The following RIMS3 variants were observed in gnomAD, a reference collection of about 807,000 sequenced individuals.
RIMS3 encodes regulating synaptic membrane exocytosis protein 3.
Under a neutral mutation model 29.2 loss-of-function variants are expected in RIMS3, and 15 were observed. The ratio of observed to expected loss-of-function variants is 0.51; its 90% confidence interval spans 0.34 to 0.79. The LOEUF (loss-of-function observed/expected upper bound fraction) is 0.79, where lower values mean the gene tolerates loss of function less well. Ranked by LOEUF, RIMS3 falls within the 30% of genes least tolerant of loss-of-function variation. The probability of loss-of-function intolerance (pLI) is 0.01; values close to 1 mark genes in which losing one functional copy is unlikely to be tolerated. For missense variants in RIMS3, 342 were observed against 421.4 expected, an observed-to-expected ratio of 0.81 and a Z score of 1.65; for synonymous variants, 161 against 170.1, an observed-to-expected ratio of 0.95 and a Z score of 0.41.
Position 40,632,356 on chromosome 1 carries a change from G to T in RIMS3, c.472+713C>A, listed in dbSNP as rs553016568. On this transcript the variant is annotated intron_variant, in intron 5 of 7. Coordinates refer to ENST00000372684, the MANE Select transcript of RIMS3 (RefSeq NM_014747.3). ...GCATTGCAGATCAAATAGGGGACATGATTGATATTCAGTAATGGTGCTAGG... is the reference window on the plus strand; with the variant it reads ...GCATTGCAGATCAAATAGGGGACATTATTGATATTCAGTAATGGTGCTAGG... 7.4e-4 allele frequency among the ~76,000 whole-genome samples: 111 copies of T among 149,188 alleles called. 1 individual carries two copies. The highest frequency in any genetic ancestry group is 1.3e-3 in the Non-Finnish European group (85 of 67,600).
intron 5 of RIMS3, among the ~76,000 whole-genome samples, chr1:40,632,325 A>C (rs958242951): frequency 6.6e-6 from 1 of 151,450 alleles, no homozygotes; most frequent in East Asian, 1.9e-4. Context: ...ATGGTACTTG[A>C]TATTGGCATT....
Position 40,626,099 on chromosome 1 carries a change from G to A in RIMS3, c.*418C>T, listed in dbSNP as rs190698414. On this transcript the variant is annotated 3_prime_UTR_variant, in exon 8 of 8. Transcript: ENST00000372684. ...GCAGAGACCACCAGGAGCAGGCACA[G>A]GTGAAGAACACACAGGCTCTGCCCC... 4.4e-5 allele frequency: 11 copies of A among 247,266 alleles called. No homozygotes were observed. Among genetic ancestry groups the A allele is most frequent in the Admixed American group, 1.5e-4 (3 of 20,264 alleles). The allele number at this position is 247,266 out of a possible 1,614,324, so 15.3% of individuals were successfully genotyped here. A position where few individuals can be genotyped will look rare whatever the true frequency, so the allele number is the denominator to read the frequency against.
Position 40,623,637 on chromosome 1 carries a change from T to C in RIMS3, c.*2880A>G, listed in dbSNP as rs191682556. ...AGTTGGCCCCAGGGTGGGAGACTTC[T>C]GGAGGGATCATGTTCCTTCCTTCCC... On this transcript the variant is annotated 3_prime_UTR_variant, in exon 8 of 8. Transcript: ENST00000372684. 2.5e-6 allele frequency: 1 copy of C among 397,896 alleles called. No individual in the cohort carries two copies. Among genetic ancestry groups the C allele is most frequent in the Non-Finnish European group, 4.4e-6 (1 of 226,052 alleles). 24.6% of individuals were successfully genotyped at this position (397,896 alleles called of 1,614,324 possible). A position where few individuals can be genotyped will look rare whatever the true frequency, so the allele number is the denominator to read the frequency against.
chr1:40,670,541 G>A (rs1642478257), upstream of RIMS3, among the ~76,000 whole-genome samples: 1 of 132,284 alleles, frequency 7.6e-6, no homozygotes, highest in Non-Finnish European at 1.6e-5. Flanking sequence ...CAGACCTTAG[G>A]ATATAAATTT....
the RIMS3 span, among the ~76,000 whole-genome samples, chr1:40,689,057 G>GT: frequency 0.012 from 1,881 of 152,314 alleles, 49 homozygotes; most frequent in African/African-American, 0.043. Context: ...TTATGCTGCA[G>GT]TAACAACGAA....
chr1:40,630,770 C>G (rs1646484333), intron 5 of RIMS3, among the ~76,000 whole-genome samples: 1 of 152,204 alleles, frequency 6.6e-6, no homozygotes, highest in Non-Finnish European at 1.5e-5. Context: ...GCTGGCTCCT[C>G]TCACTGCTGC....
chr1:40,671,889 A>G, the RIMS3 span, among the ~76,000 whole-genome samples: 5 of 151,496 alleles, frequency 3.3e-5, no homozygotes, highest in Admixed American at 6.6e-5. Context: ...CAGTCTCCCA[A>G]GTAGCTGTGA....
upstream of RIMS3, among the ~76,000 whole-genome samples, chr1:40,667,852 G>A (rs965755245): frequency 3.9e-5 from 6 of 152,200 alleles, no homozygotes; most frequent in Non-Finnish European, 8.8e-5. Context: ...CTTCAGGCCC[G>A]GCACAGTGGC....
intron 4 of RIMS3, among the ~76,000 whole-genome samples, chr1:40,633,667 G>A (rs996963638): frequency 6.6e-6 from 1 of 152,212 alleles, no homozygotes; most frequent in Non-Finnish European, 1.5e-5. Flanking sequence ...ACAATTACAG[G>A]GTTGAGGTGA....
At position 40,636,505 on chromosome 1, in the gene RIMS3, C is replaced by A. The variant is rs938608593; in HGVS notation, c.218-448G>T. On this transcript the variant is annotated intron_variant, in intron 3 of 7. Transcript: ENST00000372684. The surrounding 1 kb of genome is among the most constrained non-coding windows in gnomAD (Gnocchi z 4.2). ...TTTCCCTCTTTCAGGCACCCTCAGA[C>A]CCTATCACACCCAGACCTCACAACT... Among the ~76,000 whole-genome samples the A allele has an allele frequency of 2.0e-5, 3 of 152,174 alleles. No homozygotes were observed. The highest frequency in any genetic ancestry group is 4.4e-5 in the Non-Finnish European group (3 of 68,034).
the RIMS3 span, among the ~76,000 whole-genome samples, chr1:40,682,009 T>C: frequency 2.6e-5 from 4 of 152,302 alleles, no homozygotes; most frequent in South Asian, 6.2e-4. Flanking sequence ...AATTTTTGTA[T>C]TTTTAGTTGA....
At chr1:40,656,212 C>T (rs936061850) in intron 1 of RIMS3, among the ~76,000 whole-genome samples, 2 of 152,030 alleles carry the variant, frequency 1.3e-5, no homozygotes, top group African/African-American at 2.4e-5. Context: ...CCAGCCTGAG[C>T]GACAGAGTGA....
chr1:40,658,710 G>C (rs1346982556), intron 1 of RIMS3, among the ~76,000 whole-genome samples: 1 of 152,236 alleles, frequency 6.6e-6, no homozygotes, highest in Non-Finnish European at 1.5e-5. Context: ...GCCTGAAAAG[G>C]CAGAGATATC....
rs1020766517 is a variant in RIMS3, at chr1:40,641,721, G to C, written c.205C>G (p.Leu69Val). The change falls in exon 3 of 8, where the codon CTT becomes GTT. Residue 69 changes from leucine to valine, a missense_variant. Transcript: ENST00000372684. ...CATGCCCCCTCACCAGGCTGCGGAAGCTGGAGTGTGCTCTTGCTCCACTGA... is the reference window on the plus strand; with the variant it reads ...CATGCCCCCTCACCAGGCTGCGGAACCTGGAGTGTGCTCTTGCTCCACTGA... ...LTQWSKSTLQ[L>V]PQPEGATKKL... 1.2e-5 allele frequency: 19 copies of C among 1,613,830 alleles called. No homozygotes were observed. Among genetic ancestry groups the C allele is most frequent in the South Asian group, 3.3e-5 (3 of 91,076 alleles).
At chr1:40,685,389 A>C in the RIMS3 span, among the ~76,000 whole-genome samples, 1 of 8,346 alleles carries the variant, frequency 1.2e-4, no homozygotes, top group East Asian at 1.2e-3. Flanking sequence ...ATAATAAATA[A>C]AAAAATTTAT....
At chr1:40,629,231 T>C in intron 6 of RIMS3, 40 bp downstream of exon 6, 2 of 1,535,906 alleles carry the variant, frequency 1.3e-6, no homozygotes, top group Non-Finnish European at 1.8e-6. Context: ...CTCGGCTCTA[T>C]GCCCCTCCCT....
intron 2 of RIMS3, among the ~76,000 whole-genome samples, chr1:40,643,146 A>G (rs1445494145): frequency 6.6e-6 from 1 of 151,282 alleles, no homozygotes; most frequent in Non-Finnish European, 1.5e-5. Flanking sequence ...TTATTTATTT[A>G]TTTATTTTTT....
chr1:40,691,667 G>GGCGTGCGGT, the RIMS3 span: 527 of 446,926 alleles, frequency 1.2e-3, no homozygotes, highest in Non-Finnish European at 1.9e-3. Flanking sequence ...TGGGAGTCCA[G>GGCGTGCGGT]GCGCCAAGGG....
Position 40,626,347 on chromosome 1 carries a change from C to A in RIMS3, c.*170G>T. 1 of 676,318 alleles carries A rather than the reference C, an allele frequency of 1.5e-6. No homozygotes were observed. Among genetic ancestry groups the A allele is most frequent in the Non-Finnish European group, 2.7e-6 (1 of 376,246 alleles). The allele number at this position is 676,318 out of a possible 1,614,324, so 41.9% of individuals were successfully genotyped here. On this transcript the variant is annotated 3_prime_UTR_variant, in exon 8 of 8. Coordinates refer to ENST00000372684, the MANE Select transcript of RIMS3 (RefSeq NM_014747.3). ...ACGTACACACACACACACACGCACG[C>A]ACACACGCACACACTACAGTCTCCA...
Sources: allele counts gnomAD v4.1 joint callset (sites outside exome capture counted in the v4.1 genomes callset), GRCh38; gene constraint gnomAD v4.1.1; non-coding constraint Gnocchi (gnomAD v3.1); transcripts MANE v1.5; gene names NCBI Gene and HGNC (gene_info 2026-07-23, HGNC 2026-07-21).